The following MID1 variants were observed in gnomAD, a reference collection of about 807,000 sequenced individuals.
MID1 encodes E3 ubiquitin-protein ligase Midline-1.
In MID1, 7 loss-of-function variants were observed where a neutral mutation model predicts 40.4. That is an observed-to-expected ratio of 0.17 (90% confidence interval 0.10 to 0.33). MID1 has a LOEUF of 0.33. MID1 is among the 10% of genes least tolerant of loss of function. The pLI is 1.00. For missense variants in MID1, 367 were observed against 558.5 expected, an observed-to-expected ratio of 0.66 and a Z score of 3.46; for synonymous variants, 229 against 221.2, an observed-to-expected ratio of 1.04 and a Z score of -0.31.
intron 1 of MID1, among the ~76,000 whole-genome samples, chrX:10,791,309 G>C (rs1022360663): frequency 1.1e-4 from 12 of 112,047 alleles, no homozygotes; most frequent in Non-Finnish European, 1.7e-4. Flanking sequence ...TGGGAAACAT[G>C]AGCCAGGGCT....
chrX:10,772,360 T>C (rs2043776364), intron 1 of MID1, among the ~76,000 whole-genome samples: 1 of 109,915 alleles, frequency 9.1e-6, no homozygotes, highest in Admixed American at 9.8e-5. Context: ...AGCTAAGCTA[T>C]GAGGATCAAA....
intron 1 of MID1, among the ~76,000 whole-genome samples, chrX:10,783,627 C>A (rs1454693630): frequency 8.9e-6 from 1 of 112,169 alleles, no homozygotes; most frequent in Non-Finnish European, 1.9e-5. Flanking sequence ...TCAACACCAA[C>A]AATACATCCT....
intron 1 of MID1, among the ~76,000 whole-genome samples, chrX:10,580,956 A>C (rs1382279389): frequency 9.2e-6 from 1 of 108,729 alleles, no homozygotes; most frequent in Non-Finnish European, 1.9e-5. Flanking sequence ...AAAAAAAAAA[A>C]AACATGTAGA....
At position 10,504,572 on chromosome X, in the gene MID1, A is replaced by G. The variant is rs1931729496; in HGVS notation, c.757-8881T>C. The stretch of plus-strand genomic sequence containing the variant: ...CTGAGGACTTTCTAGCATGAATCAA[A>G]ACTTTGATGCATCTACATCATCAAA... On this transcript the variant is annotated intron_variant, in intron 3 of 9. Transcript: ENST00000317552. 2.7e-5 allele frequency among the ~76,000 whole-genome samples: 3 copies of G among 111,636 alleles called. No individual in the cohort carries two copies. In the Admixed American group the frequency reaches 2.9e-4, roughly 11 times the overall value.
chrX:10,499,565 G>A (rs951772918), intron 3 of MID1, among the ~76,000 whole-genome samples: 3 of 111,772 alleles, frequency 2.7e-5, no homozygotes, highest in African/African-American at 9.8e-5. Context: ...TCCTCTATAA[G>A]TTTTATATTT....
chrX:10,604,016 T>A lies in MID1; in HGVS notation c.-57+16274A>T, dbSNP rs773830421. Among the ~76,000 whole-genome samples, 5 of 111,924 alleles carry A rather than the reference T, an allele frequency of 4.5e-5. No homozygotes were observed. In the South Asian group the frequency reaches 1.9e-3, roughly 43 times the overall value. On this transcript the variant is annotated intron_variant, in intron 1 of 9. Coordinates refer to ENST00000317552, the MANE Select transcript of MID1 (RefSeq NM_000381.4). ...CCAAAGATTGGTGCACTTTGGTAAG[T>A]AAAAGAGATGATGTCTTAATGCCAA...
At chrX:10,720,524 C>A (rs1202030585) in intron 1 of MID1, among the ~76,000 whole-genome samples, 1 of 111,587 alleles carries the variant, frequency 9.0e-6, no homozygotes, top group African/African-American at 3.3e-5. Flanking sequence ...GTTAGAATGG[C>A]GATCATTCAA....
intron 1 of MID1, among the ~76,000 whole-genome samples, chrX:10,572,250 T>C (rs1342400331): frequency 1.8e-5 from 2 of 108,567 alleles, no homozygotes; most frequent in East Asian, 2.9e-4. Flanking sequence ...GTTATTTATA[T>C]CATTAATAAC....
At chrX:10,580,621 AATT>A (rs1447361586) in intron 1 of MID1, among the ~76,000 whole-genome samples, 1 of 111,741 alleles carries the variant, frequency 8.9e-6, no homozygotes, top group Admixed American at 9.5e-5. Context: ...ATCACATAAG[AATT>A]ATTATTGTAG....
rs775743820 is a variant in MID1 at position 10,475,800 on chromosome X, T to C, written c.1014-1050A>G. On this transcript the variant is annotated intron_variant, in intron 5 of 9. Coordinates refer to ENST00000317552, the MANE Select transcript of MID1 (RefSeq NM_000381.4). ...GTTACTTATTTTCTAATTAAGAAAA[T>C]TGATGCTCATTTATACAAGGCCACA... Among the ~76,000 whole-genome samples the C allele has an allele frequency of 4.5e-5, 5 of 111,885 alleles. No homozygotes were observed. In the East Asian group the frequency reaches 1.1e-3, roughly 25 times the overall value.
intron 4 of MID1, among the ~76,000 whole-genome samples, chrX:10,494,067 T>C (rs1322417258): frequency 8.9e-6 from 1 of 112,369 alleles, no homozygotes. Context: ...CTCTTCTAAA[T>C]TGGACAATTC....
At chrX:10,796,361 A>G (rs58148723) in intron 1 of MID1, among the ~76,000 whole-genome samples, 14,628 of 106,909 alleles carry the variant, frequency 0.14, 2,276 homozygotes, top group African/African-American at 0.43. Context: ...TACGTATTTG[A>G]CATGAATGGC....
rs137976521 is a variant in MID1 at position 10,771,239 on chromosome X, T to C, written c.-187+62315A>G. On this transcript the variant is annotated intron_variant, in intron 1 of 10. Transcript: ENST00000380785. Reference sequence around the variant, plus strand: ...CCAAATTCACTGAGTCTACCTATTGTAGGTTTAATTGTTTTAAGTGGAATG... The same window carrying C: ...CCAAATTCACTGAGTCTACCTATTGCAGGTTTAATTGTTTTAAGTGGAATG... 7.2e-5 allele frequency among the ~76,000 whole-genome samples: 8 copies of C among 111,396 alleles called. No homozygotes were observed. In the East Asian group the frequency reaches 2.3e-3, roughly 31 times the overall value.
chrX:10,817,233 T>A (rs967102854), intron 1 of MID1, among the ~76,000 whole-genome samples: 7 of 112,407 alleles, frequency 6.2e-5, no homozygotes, highest in African/African-American at 2.3e-4. Flanking sequence ...CTTTAATTTT[T>A]ACATATCCCA....
chrX:10,587,615 C>T (rs1361088789), intron 1 of MID1, among the ~76,000 whole-genome samples: 1 of 112,731 alleles, frequency 8.9e-6, no homozygotes, highest in Non-Finnish European at 1.9e-5. Flanking sequence ...GCCATGTGCA[C>T]AAGCATAACA....
intron 1 of MID1, among the ~76,000 whole-genome samples, chrX:10,582,441 A>G (rs1935040983): frequency 8.9e-6 from 1 of 111,959 alleles, no homozygotes; most frequent in Admixed American, 9.5e-5. Context: ...AATAGACACA[A>G]TTCTTATCTC....
chrX:10,718,493 C>A (rs1340435020), intron 1 of MID1, among the ~76,000 whole-genome samples: 3 of 111,504 alleles, frequency 2.7e-5, no homozygotes, highest in Non-Finnish European at 5.7e-5. Context: ...CAAGACTAAA[C>A]CAGGAAGAAG....
chrX:10,613,732 T>TATATAGAG (rs1482081086), intron 1 of MID1, among the ~76,000 whole-genome samples: 26 of 17,458 alleles, frequency 1.5e-3, no homozygotes, highest in Admixed American at 2.7e-3. Flanking sequence ...TATATATATA[T>TATATAGAG]AGAGAGAGAG....
At chrX:10,626,944 A>G (rs948367645) in intron 1 of MID1, among the ~76,000 whole-genome samples, 3 of 111,368 alleles carry the variant, frequency 2.7e-5, no homozygotes, top group African/African-American at 6.5e-5. Context: ...ATAAACCAGG[A>G]AAGAGCAGTA....
Sources: allele counts gnomAD v4.1 joint callset (sites outside exome capture counted in the v4.1 genomes callset), GRCh38; gene constraint gnomAD v4.1.1; transcripts MANE v1.5; gene names NCBI Gene and HGNC (gene_info 2026-07-23, HGNC 2026-07-21).